The following GPR139 variants were observed in gnomAD, a reference collection of about 807,000 sequenced individuals.
GPR139 encodes the protein probable G protein-coupled receptor 139.
Under a neutral mutation model 25.8 loss-of-function variants are expected in GPR139, and 12 were observed. The ratio of observed to expected loss-of-function variants is 0.47; its 90% CI spans 0.30 to 0.75. GPR139 has a LOEUF of 0.75. Among genes scored for constraint, GPR139 ranks in the 30% least tolerant of loss-of-function variants. The pLI, the probability that GPR139 is intolerant of heterozygous loss-of-function variation, is 0.07. For synonymous variants in GPR139, 184 were observed against 179.9 expected, an observed-to-expected ratio of 1.02 and a Z score of -0.18; for missense variants, 380 against 450.2, an observed-to-expected ratio of 0.84 and a Z score of 1.41.
rs2141197509 is a variant in GPR139 at position 20,028,318 on chromosome 16, C to T, written c.*3417G>A. Among the ~76,000 whole-genome samples, 1 of 152,156 alleles carries T rather than the reference C, an allele frequency of 6.6e-6. No homozygotes were observed. The highest frequency in any genetic ancestry group is 2.4e-5 in the African/African-American group (1 of 41,510). ...TCACATTGTATCCCATAAATGTATA[C>T]AATTATGATTTATCAATTAAAAATA... On this transcript the variant is annotated 3_prime_UTR_variant, in exon 2 of 2. Transcript: ENST00000570682.
chr16:20,043,743 C>T (rs2057344551), intron 1 of GPR139, among the ~76,000 whole-genome samples: 1 of 152,122 alleles, frequency 6.6e-6, no homozygotes, highest in East Asian at 1.9e-4. Flanking sequence ...CAATTTCATA[C>T]CAAGTGATGA....
At chr16:20,045,315 TA>T (rs1361412781) in intron 1 of GPR139, among the ~76,000 whole-genome samples, 1 of 152,144 alleles carries the variant, frequency 6.6e-6, no homozygotes, top group African/African-American at 2.4e-5. Context: ...CACTGAATTT[TA>T]TCCTCATACG....
At position 20,036,420 on chromosome 16, in the gene GPR139, C is replaced by T. The variant is rs148012844; in HGVS notation, c.128-3751G>A. On this transcript the variant is annotated intron_variant, in intron 1 of 1. Transcript: ENST00000570682. Reference sequence around the variant, plus strand: ...ATGGGGTTAATAGTCTCTTCTTACACTGCCAATAAAGAAGTTTCCAAGATT... The same window carrying T: ...ATGGGGTTAATAGTCTCTTCTTACATTGCCAATAAAGAAGTTTCCAAGATT... Among the ~76,000 whole-genome samples the T allele has an allele frequency of 3.4e-3, 513 of 152,284 alleles. 2 individuals carry two copies. Among genetic ancestry groups the T allele is most frequent in the African/African-American group, 0.012 (492 of 41,546 alleles).
At chr16:20,055,065 C>T (rs568914610) in intron 1 of GPR139, among the ~76,000 whole-genome samples, 1 of 152,254 alleles carries the variant, frequency 6.6e-6, no homozygotes, top group East Asian at 1.9e-4. Flanking sequence ...AGCCTAGTAT[C>T]TATCAGTTAT....
chr16:20,066,783 G>A (rs922557913), intron 1 of GPR139, among the ~76,000 whole-genome samples: 7 of 152,196 alleles, frequency 4.6e-5, no homozygotes, highest in Non-Finnish European at 7.3e-5. Flanking sequence ...AACACGTGCC[G>A]AGAATAGTGC....
chr16:20,073,792 C>A lies in GPR139; in HGVS notation c.-176G>T. On this transcript the variant is annotated 5_prime_UTR_variant, in exon 1 of 2. Coordinates refer to ENST00000570682, the MANE Select transcript of GPR139 (RefSeq NM_001002911.4). This position sits in a 1 kb window ranked among gnomAD's most constrained non-coding sequence, Gnocchi z 4.7. ...TCCCCTCTGCTCGCTCCGCACCTGC[C>A]CGCCTGGAGTCTTGGCTCAGCCCTC... 1.3e-6 allele frequency: 1 copy of A among 788,266 alleles called. No individual in the cohort carries two copies. Among genetic ancestry groups the A allele is most frequent in the Non-Finnish European group, 1.9e-6 (1 of 537,510 alleles). The allele number at this position is 788,266 out of a possible 1,614,324, so 48.8% of individuals were successfully genotyped here.
intron 1 of GPR139, among the ~76,000 whole-genome samples, chr16:20,041,251 GGAAGGAGAAA>G (rs144155407): frequency 0.52 from 1,095 of 2,102 alleles, 512 homozygotes; most frequent in Non-Finnish European, 0.61. Context: ...GAGAGGAGAG[GGAAGGAGAAA>G]AGAAAAGCAT....
In GPR139 at chr16:20,073,119, A is replaced by T. The variant is rs1463028885; in HGVS notation, c.127+371T>A. On this transcript the variant is annotated intron_variant, in intron 1 of 1. Coordinates refer to ENST00000570682, the MANE Select transcript of GPR139 (RefSeq NM_001002911.4). The surrounding 1 kb of genome is among the most constrained non-coding windows in gnomAD (Gnocchi z 4.7). ...CTCCACGAAGCCTTCTGTCCAGAAC[A>T]TGCAGTCAAGCCAAACACACACAAA... Among the ~76,000 whole-genome samples, 1 of 152,080 alleles carries T rather than the reference A, an allele frequency of 6.6e-6. No individual in the cohort carries two copies. Among genetic ancestry groups the T allele is most frequent in the African/African-American group, 2.4e-5 (1 of 41,420 alleles).
intron 1 of GPR139, among the ~76,000 whole-genome samples, chr16:20,061,501 G>A (rs12599699): frequency 0.24 from 37,013 of 152,150 alleles, 4,964 homozygotes; most frequent in South Asian, 0.45. Context: ...ATGAATGCAG[G>A]TGCATTGTCT....
intron 1 of GPR139, among the ~76,000 whole-genome samples, chr16:20,065,249 T>C (rs934602989): frequency 8.5e-5 from 13 of 152,188 alleles, no homozygotes; most frequent in Admixed American, 8.5e-4. Context: ...TGTGAAACAA[T>C]GGACATTTCA....
At chr16:20,072,736 C>T (rs1255292598) in intron 1 of GPR139, among the ~76,000 whole-genome samples, 1 of 152,214 alleles carries the variant, frequency 6.6e-6, no homozygotes, top group African/African-American at 2.4e-5. Context: ...ACCAGCCAGA[C>T]ATCCACAGCA....
rs1306528058 is a variant in GPR139, at chr16:20,028,787, A to T, written c.*2948T>A. Among the ~76,000 whole-genome samples the T allele has an allele frequency of 6.6e-6, 1 of 152,208 alleles. No individual in the cohort carries two copies. Among genetic ancestry groups the T allele is most frequent in the African/African-American group, 2.4e-5 (1 of 41,450 alleles). On this transcript the variant is annotated 3_prime_UTR_variant, in exon 2 of 2. Coordinates refer to ENST00000570682, the MANE Select transcript of GPR139 (RefSeq NM_001002911.4). ...TCATCATTGCAATGTCCAACCAAGGACACAAATCATATAGCAAGAGAGAAG... is the reference window on the plus strand; with the variant it reads ...TCATCATTGCAATGTCCAACCAAGGTCACAAATCATATAGCAAGAGAGAAG...
In GPR139 at chr16:20,037,342, C is replaced by G. The variant is rs550947170; in HGVS notation, c.128-4673G>C. Among the ~76,000 whole-genome samples, 8 of 151,706 alleles carry G rather than the reference C, an allele frequency of 5.3e-5. No individual in the cohort carries two copies. The South Asian group carries it at 1.7e-3, about 32-fold the overall frequency. ...TGGTGGGTGCCTATAATCGCAGCTA[C>G]TCGGGAGGCTGAGGCAGGAGAATCA... is the stretch of plus-strand genomic sequence containing the variant. On this transcript the variant is annotated intron_variant, in intron 1 of 1. Transcript: ENST00000570682.
chr16:20,061,178 A>AATGGATGG lies in GPR139; in HGVS notation c.127+12304_127+12311dup, dbSNP rs200262959. Among the ~76,000 whole-genome samples the AATGGATGG allele has an allele frequency of 9.9e-3, 1,391 of 140,596 alleles. 29 individuals carry two copies. Among genetic ancestry groups the AATGGATGG allele is most frequent in the African/African-American group, 0.038 (1,314 of 34,226 alleles). The allele number at this position is 140,596 out of a possible 152,430, so 92.2% of individuals were successfully genotyped here. On this transcript the variant is annotated intron_variant, in intron 1 of 1. Transcript: ENST00000570682. ...TGGTACCTAGCAATGCCAGGCCCAG[A>AATGGATGG]ATGGATGGATGGATGGATGGATGGA...
At position 20,073,152 on chromosome 16, in the gene GPR139, A is replaced by G. The variant is rs890988840; in HGVS notation, c.127+338T>C. On this transcript the variant is annotated intron_variant, in intron 1 of 1. Coordinates refer to ENST00000570682, the MANE Select transcript of GPR139 (RefSeq NM_001002911.4). This position sits in a 1 kb window ranked among gnomAD's most constrained non-coding sequence, Gnocchi z 4.7. ...AAGCCAAACACACACAAAGCCCTCT[A>G]CGCCCCCACCCCATGAAAGCCGCCC... is the stretch of plus-strand genomic sequence containing the variant. Among the ~76,000 whole-genome samples the G allele has an allele frequency of 4.6e-5, 7 of 151,524 alleles. No individual in the cohort carries two copies. Among genetic ancestry groups the G allele is most frequent in the African/African-American group, 7.3e-5 (3 of 41,278 alleles).
intron 1 of GPR139, among the ~76,000 whole-genome samples, chr16:20,068,858 A>G (rs2057447433): frequency 6.6e-6 from 1 of 151,828 alleles, no homozygotes; most frequent in Non-Finnish European, 1.5e-5. Flanking sequence ...TTCTGCATCT[A>G]TTGAGATGGA....
At chr16:20,043,504 G>A (rs1264873467) in intron 1 of GPR139, among the ~76,000 whole-genome samples, 5 of 152,116 alleles carry the variant, frequency 3.3e-5, no homozygotes, top group Admixed American at 2.6e-4. Context: ...TGGTATTAGA[G>A]GAATGTTATT....
intron 1 of GPR139, among the ~76,000 whole-genome samples, chr16:20,044,348 C>T (rs568618078): frequency 6.6e-6 from 1 of 152,328 alleles, no homozygotes; most frequent in South Asian, 2.1e-4. Flanking sequence ...AGATGCCACA[C>T]TGTAGGTTGG....
At chr16:20,060,794 T>G (rs2057410060) in intron 1 of GPR139, among the ~76,000 whole-genome samples, 1 of 152,152 alleles carries the variant, frequency 6.6e-6, no homozygotes, top group African/African-American at 2.4e-5. Flanking sequence ...TCTGACCCTC[T>G]TGCTGTCGTG....
Sources: gnomAD v4.1 joint callset for allele counts (sites outside exome capture counted in the v4.1 genomes callset) on GRCh38, gnomAD v4.1.1 for gene constraint, Gnocchi (gnomAD v3.1) non-coding constraint, MANE v1.5 for transcripts, NCBI Gene and HGNC (gene_info 2026-07-23, HGNC 2026-07-21) for gene names.